POU2F1: variants seen among roughly 807,000 people sequenced by gnomAD.
POU2F1 encodes the protein POU class 2 homeobox 1.
In POU2F1, 16 loss-of-function variants were observed where a neutral mutation model predicts 84.9. That is an observed-to-expected ratio of 0.19 (90% CI 0.13 to 0.29). The LOEUF is 0.29. Ranked by LOEUF, POU2F1 falls within the 10% of genes least tolerant of loss-of-function variation. The pLI is 1.00. For missense variants in POU2F1, 738 were observed against 942.6 expected (o/e 0.78, Z 2.84); for synonymous variants, 368 against 368.3 (o/e 1.00, Z 0.01).
At chr1:167,260,349 C>G (rs1041953196) in intron 1 of POU2F1, among the ~76,000 whole-genome samples, 1 of 152,214 alleles carries the variant, frequency 6.6e-6, no homozygotes, top group Non-Finnish European at 1.5e-5. Context: ...TTAATGGACT[C>G]CTAATGAAAA....
intron 2 of POU2F1, among the ~76,000 whole-genome samples, chr1:167,350,415 CGTCTGTGT>C (rs1425561460): frequency 4.6e-5 from 7 of 152,122 alleles, no homozygotes; most frequent in African/African-American, 1.4e-4. Flanking sequence ...TCTATTTTGT[CGTCTGTGT>C]GATTCTGATA....
At chr1:167,374,048 C>T (rs1403714270) in intron 5 of POU2F1, 60 bp from the exon 6 acceptor site, 1 of 1,542,198 alleles carries the variant, frequency 6.5e-7, no homozygotes, top group East Asian at 2.2e-5. Context: ...AAGCAGTTGG[C>T]TTGCATTAGG....
At chr1:167,294,133 C>A (rs1271671185) in intron 1 of POU2F1, among the ~76,000 whole-genome samples, 1 of 144,316 alleles carries the variant, frequency 6.9e-6, no homozygotes, top group African/African-American at 2.7e-5. Flanking sequence ...GAGATCAAGA[C>A]CATCCTGATC....
At chr1:167,275,721 C>T (rs759346334) in intron 1 of POU2F1, among the ~76,000 whole-genome samples, 3 of 152,054 alleles carry the variant, frequency 2.0e-5, no homozygotes, top group Non-Finnish European at 4.4e-5. Context: ...TTAAATTCTA[C>T]CACCCCCTGC....
In POU2F1 at chr1:167,421,085, T is replaced by C. The variant is rs1210234812; in HGVS notation, c.*5275T>C. On this transcript the variant is annotated 3_prime_UTR_variant, in exon 16 of 16. Transcript: ENST00000367866. Reference sequence around the variant, plus strand: ...GGAAAGCATTTAATGTGTGATGCTGTTCATAGTCCTGGCTATTTGATGTCA... The same window carrying C: ...GGAAAGCATTTAATGTGTGATGCTGCTCATAGTCCTGGCTATTTGATGTCA... 1 of 152,234 alleles carries C rather than the reference T, an allele frequency of 6.6e-6. No individual in the cohort carries two copies. The highest frequency in any genetic ancestry group is 2.4e-5 in the African/African-American group (1 of 41,464). 9.4% of individuals were successfully genotyped at this position (152,234 alleles called of 1,614,324 possible).
chr1:167,256,271 A>G (rs1209113170), intron 1 of POU2F1, among the ~76,000 whole-genome samples: 1 of 152,104 alleles, frequency 6.6e-6, no homozygotes, highest in African/African-American at 2.4e-5. Context: ...AGAGAGGGAA[A>G]AGGGAGAAGT....
At chr1:167,372,532 C>T (rs1056848491) in intron 5 of POU2F1, among the ~76,000 whole-genome samples, 1 of 152,210 alleles carries the variant, frequency 6.6e-6, no homozygotes, top group Non-Finnish European at 1.5e-5. Context: ...TACTTCATTT[C>T]CCTCTACCTG....
intron 1 of POU2F1, among the ~76,000 whole-genome samples, chr1:167,283,631 A>G (rs1487031080): frequency 2.0e-5 from 3 of 152,142 alleles, no homozygotes; most frequent in African/African-American, 2.4e-5. Flanking sequence ...AGACTAGACT[A>G]TTTGCACTTT....
At chr1:167,377,776 G>T (rs879828506) in intron 7 of POU2F1, among the ~76,000 whole-genome samples, 17 of 152,072 alleles carry the variant, frequency 1.1e-4, no homozygotes, top group Admixed American at 1.1e-3. Flanking sequence ...CAGGTAATAG[G>T]CATAATACCT....
chr1:167,416,303 G>A lies in POU2F1; in HGVS notation c.*493G>A, dbSNP rs1650318981. On this transcript the variant is annotated 3_prime_UTR_variant, in exon 16 of 16. Transcript: ENST00000367866. ...TGTACAGGCCATTAAGTCATAACAA[G>A]GTGTTTATAATCGTATCAATTGTGT... is the stretch of plus-strand genomic sequence containing the variant. 1.5e-5 allele frequency: 4 copies of A among 258,966 alleles called. No individual in the cohort carries two copies. The highest frequency in any genetic ancestry group is 4.1e-5 in the South Asian group (1 of 24,346). 16.0% of individuals were successfully genotyped at this position (258,966 alleles called of 1,614,324 possible).
intron 8 of POU2F1, 59 bp downstream of exon 8, chr1:167,384,010 G>A: frequency 7.4e-7 from 1 of 1,359,598 alleles, no homozygotes; most frequent in Middle Eastern, 1.8e-4. Context: ...GAGACTTTTG[G>A]ACTTTATTTA....
chr1:167,224,030 G>T (rs1434514364), intron 1 of POU2F1, among the ~76,000 whole-genome samples: 1 of 152,138 alleles, frequency 6.6e-6, no homozygotes, highest in Non-Finnish European at 1.5e-5. Context: ...TACTGAGGCC[G>T]TAGATATTTT....
intron 1 of POU2F1, among the ~76,000 whole-genome samples, chr1:167,242,934 C>A (rs1290742834): frequency 6.6e-6 from 1 of 151,866 alleles, no homozygotes; most frequent in Non-Finnish European, 1.5e-5. Context: ...CTCTCTCCCT[C>A]CCCCTCCTTC....
intron 7 of POU2F1, among the ~76,000 whole-genome samples, chr1:167,382,160 A>G (rs1647614822): frequency 1.3e-5 from 2 of 152,206 alleles, no homozygotes; most frequent in Admixed American, 6.5e-5. Flanking sequence ...AGAGACGTCA[A>G]ATAGTAAACA....
intron 2 of POU2F1, among the ~76,000 whole-genome samples, chr1:167,360,825 C>G (rs1358120719): frequency 6.6e-6 from 1 of 152,102 alleles, no homozygotes; most frequent in Non-Finnish European, 1.5e-5. Context: ...CCAACCCTCG[C>G]TCATGGAATT....
intron 2 of POU2F1, chr1:167,338,006 G>A (rs1368564739): frequency 1.0e-5 from 4 of 394,648 alleles, no homozygotes; most frequent in Non-Finnish European, 2.0e-5. Context: ...TGAAACTAAA[G>A]CACATGGTGG....
At position 167,329,400 on chromosome 1, in the gene POU2F1, C is replaced by T; in HGVS notation, c.62-3070C>T. 5.7e-6 allele frequency: 8 copies of T among 1,392,030 alleles called. No individual in the cohort carries two copies. In the South Asian group the frequency reaches 1.0e-4, roughly 18 times the overall value. 86.2% of individuals were successfully genotyped at this position (1,392,030 alleles called of 1,614,324 possible). ...CATAAATGCTTAATCGCATATGCAGCCTGTGGCGGGGGAGGGGGAGAGTTG... is the reference window on the plus strand; with the variant it reads ...CATAAATGCTTAATCGCATATGCAGTCTGTGGCGGGGGAGGGGGAGAGTTG... On this transcript the variant is annotated intron_variant, in intron 1 of 15. Coordinates refer to ENST00000367866, the MANE Select transcript of POU2F1 (RefSeq NM_002697.4).
At chr1:167,345,427 G>C (rs1658125830) in intron 2 of POU2F1, among the ~76,000 whole-genome samples, 1 of 152,158 alleles carries the variant, frequency 6.6e-6, no homozygotes, top group South Asian at 2.1e-4. Flanking sequence ...TTGTGATACA[G>C]GGAAAACAAA....
chr1:167,351,519 CAAAAAAAAAAAAA>C (rs34170498), intron 2 of POU2F1, among the ~76,000 whole-genome samples: 2 of 45,996 alleles, frequency 4.3e-5, no homozygotes, highest in East Asian at 8.0e-4. Context: ...AGCACCATCT[CAAAAAAAAAAAAA>C]AAAAAAAAAA....
Sources: allele counts gnomAD v4.1 joint callset (sites outside exome capture counted in the v4.1 genomes callset), GRCh38; gene constraint gnomAD v4.1.1; transcripts MANE v1.5; gene names NCBI Gene and HGNC (gene_info 2026-07-23, HGNC 2026-07-21).